The following TFB1M variants were observed in gnomAD, a reference collection of about 807,000 sequenced individuals.
TFB1M encodes the protein transcription factor B1, mitochondrial.
Under a neutral mutation model 31.1 loss-of-function variants are expected in TFB1M, and 27 were observed. The observed-to-expected ratio is 0.87, with a 90% confidence interval of 0.64 to 1.20. TFB1M has a LOEUF of 1.20. Ranked by LOEUF, TFB1M falls within the 50% of genes most tolerant of loss-of-function variation. The probability of loss-of-function intolerance (pLI) is 0.00; values close to 1 mark genes in which losing one functional copy is unlikely to be tolerated. For synonymous variants in TFB1M, 166 were observed against 151.8 expected (o/e 1.09, Z -0.69); for missense variants, 394 against 418.7 (o/e 0.94, Z 0.51).
chr6:155,269,506 G>C (rs1784828463), intron 5 of TFB1M, among the ~76,000 whole-genome samples: 1 of 151,800 alleles, frequency 6.6e-6, no homozygotes, highest in African/African-American at 2.4e-5. Flanking sequence ...ATTTTTAGTA[G>C]AGGCAAGGTT....
At chr6:155,310,984 T>C (rs1057016815) in intron 2 of TFB1M, 7 of 609,844 alleles carry the variant, frequency 1.1e-5, no homozygotes, top group East Asian at 5.7e-5. Context: ...GTGTAGTCAA[T>C]AGACCCTCTG....
rs150671599 is a variant in TFB1M, at chr6:155,284,793, G to A, written c.666+365C>T. 7.4e-3 allele frequency among the ~76,000 whole-genome samples: 1,121 copies of A among 152,278 alleles called. 14 individuals are homozygous for A. The highest frequency in any genetic ancestry group is 0.026 in the African/African-American group (1,066 of 41,546). On this transcript the variant is annotated intron_variant, in intron 5 of 6. Coordinates refer to ENST00000367166, the MANE Select transcript of TFB1M (RefSeq NM_016020.4). The stretch of plus-strand genomic sequence containing the variant: ...ATAATGTTTGATGTAGCTTTAGTTA[G>A]AGGTCTCTAACAGAAAACACAAAAG...
intron 5 of TFB1M, among the ~76,000 whole-genome samples, chr6:155,282,797 G>A (rs575321744): frequency 6.0e-5 from 9 of 150,752 alleles, no homozygotes; most frequent in South Asian, 2.1e-4. Context: ...GTGCCATCTC[G>A]CCTCGCTGCA....
At chr6:155,250,439 G>A in the TFB1M span, 1 of 918,092 alleles carries the variant, frequency 1.1e-6, no homozygotes, top group South Asian at 1.8e-5. Flanking sequence ...CCAGCATGCA[G>A]GAAGTAGCAT....
At chr6:155,308,913 C>T (rs1255774913) in intron 2 of TFB1M, among the ~76,000 whole-genome samples, 1 of 152,060 alleles carries the variant, frequency 6.6e-6, no homozygotes, top group East Asian at 1.9e-4. Context: ...AGTAGTTTTA[C>T]ATATTGAAAC....
intron 4 of TFB1M, among the ~76,000 whole-genome samples, chr6:155,296,531 G>GCCT (rs767477004): frequency 1.3e-5 from 2 of 150,756 alleles, no homozygotes; most frequent in Admixed American, 6.7e-5. Flanking sequence ...GCCTGCCTCG[G>GCCT]CCTCCCAAAG....
Position 155,306,394 on chromosome 6 carries a change from G to C in TFB1M, c.285+4794C>G, listed in dbSNP as rs146934423. ...GTCTTTACTCAAGAGAAATGGAAGTGTGTATCCACACAAACACTTGCATAT... is the reference window on the plus strand; with the variant it reads ...GTCTTTACTCAAGAGAAATGGAAGTCTGTATCCACACAAACACTTGCATAT... On this transcript the variant is annotated intron_variant, in intron 2 of 6. Transcript: ENST00000367166. Among the ~76,000 whole-genome samples the C allele has an allele frequency of 8.5e-5, 13 of 152,296 alleles. No individual in the cohort carries two copies. The East Asian group carries it at 2.5e-3, about 29-fold the overall frequency.
At chr6:155,283,509 G>A (rs186817962) in intron 5 of TFB1M, among the ~76,000 whole-genome samples, 12 of 152,274 alleles carry the variant, frequency 7.9e-5, no homozygotes, top group Admixed American at 3.9e-4. Context: ...CTTAATCCCA[G>A]AGAAGGTAAA....
downstream of TFB1M, chr6:155,251,856 G>A (rs937772289): frequency 1.8e-4 from 184 of 1,007,394 alleles, no homozygotes; most frequent in Non-Finnish European, 2.7e-4. Flanking sequence ...CGTTTGGAGA[G>A]TGTTACTCTG....
At chr6:155,280,346 C>T (rs1469524389) in intron 5 of TFB1M, among the ~76,000 whole-genome samples, 1 of 152,154 alleles carries the variant, frequency 6.6e-6, no homozygotes, top group Non-Finnish European at 1.5e-5. Context: ...GAAGTGACTG[C>T]CCCACTGCTC....
At position 155,311,183 on chromosome 6, in the gene TFB1M, C is replaced by G. The variant is rs112268880; in HGVS notation, c.285+5G>C. The stretch of plus-strand genomic sequence containing the variant: ...CTCCTAAAGCAGACACTTTAAGCAT[C>G]TCACCTGTAATCCAGGAATAAATCG... On this transcript the variant is annotated splice_donor_5th_base_variant and intron_variant, in intron 2 of 6. Transcript: ENST00000367166. 1 of 1,614,016 alleles carries G rather than the reference C, an allele frequency of 6.2e-7. No individual in the cohort carries two copies.
intron 6 of TFB1M, among the ~76,000 whole-genome samples, chr6:155,259,851 T>G (rs1343817652): frequency 1.3e-5 from 2 of 152,238 alleles, no homozygotes; most frequent in Non-Finnish European, 2.9e-5. Context: ...GAAACGTGCT[T>G]ACGTGAGGAC....
At chr6:155,278,902 T>C (rs956162088) in intron 5 of TFB1M, among the ~76,000 whole-genome samples, 5 of 152,188 alleles carry the variant, frequency 3.3e-5, no homozygotes, top group African/African-American at 1.2e-4. Flanking sequence ...TGTTACTCAA[T>C]GGTTCTTAGT....
At chr6:155,258,105 G>T (rs1287033621) in intron 6 of TFB1M, 23 bp from the exon 7 acceptor site, 1 of 1,613,752 alleles carries the variant, frequency 6.2e-7, no homozygotes, top group Non-Finnish European at 8.5e-7. Flanking sequence ...CAGACAGACA[G>T]AAAAATAAGA....
At chr6:155,254,007 T>C (rs1783845144), downstream of TFB1M, 1 of 1,614,174 alleles carries the variant, frequency 6.2e-7, no homozygotes, top group Non-Finnish European at 8.5e-7. Context: ...AACTGATCCA[T>C]ACGAAGTCAG....
intron 4 of TFB1M, among the ~76,000 whole-genome samples, chr6:155,295,913 T>A (rs1488931965): frequency 6.6e-6 from 1 of 152,194 alleles, no homozygotes; most frequent in Non-Finnish European, 1.5e-5. Context: ...CTGTTTGACA[T>A]CAGGGACTTG....
At chr6:155,244,560 A>G in the TFB1M span, 1 of 1,419,910 alleles carries the variant, frequency 7.0e-7, no homozygotes, top group Non-Finnish European at 9.6e-7. Context: ...CTTTTCCGTG[A>G]AGAATTTCCT....
the TFB1M span, among the ~76,000 whole-genome samples, chr6:155,230,544 T>TA: frequency 1.5e-3 from 2 of 1,372 alleles, no homozygotes; most frequent in Non-Finnish European, 2.2e-3. Context: ...AAGGAGTGAT[T>TA]TGTTCATCAA....
intron 5 of TFB1M, among the ~76,000 whole-genome samples, chr6:155,280,579 G>GA (rs1562402438): frequency 6.6e-6 from 1 of 152,060 alleles, no homozygotes; most frequent in East Asian, 1.9e-4. Flanking sequence ...TCACCTTTAT[G>GA]AAAATCCCAT....
Sources: allele counts gnomAD v4.1 joint callset (sites outside exome capture counted in the v4.1 genomes callset), GRCh38; gene constraint gnomAD v4.1.1; transcripts MANE v1.5; gene names NCBI Gene and HGNC (gene_info 2026-07-23, HGNC 2026-07-21).